Variants in SUPT20HL2 observed in about 807,000 individuals in gnomAD.
The protein encoded by SUPT20HL2 is SUPT20H like 2.
For missense variants in SUPT20HL2, 288 were observed against 127.4 expected (o/e 2.26, Z -6.07); for synonymous variants, 125 against 51.6 (o/e 2.42, Z -6.10).
Position 24,308,355 on chromosome X carries a change from C to T in SUPT20HL2, c.*2507G>A. ...AAAGCACACCAAATTTGGTGACATA[C>T]TGAATTCAGGTCACTGCTTAGCTCC... On this transcript the variant is annotated 3_prime_UTR_variant, in exon 1 of 1. Coordinates refer to ENST00000486479, the MANE Select transcript of SUPT20HL2 (RefSeq NM_001136233.3). The T allele has an allele frequency of 2.7e-6, 1 of 372,677 alleles. No homozygotes were observed. The highest frequency in any genetic ancestry group is 5.2e-6 in the Non-Finnish European group (1 of 191,292). 30.7% of individuals were successfully genotyped at this position (372,677 alleles called of 1,213,427 possible). A position where few individuals can be genotyped will look rare whatever the true frequency, so the allele number is the denominator to read the frequency against.
rs1727961 is a variant in SUPT20HL2, at chrX:24,313,416, C to T, written c.-101G>A. The stretch of plus-strand genomic sequence containing the variant: ...CATATTAATCTACAGGCCCGCAAGA[C>T]GCCGCAAGTCCACACTGAGTTCAAC... On this transcript the variant is annotated 5_prime_UTR_variant, in exon 1 of 1. Transcript: ENST00000486479. 2.9e-4 allele frequency: 97 copies of T among 334,842 alleles called. No homozygotes were observed. The highest frequency in any genetic ancestry group is 6.2e-4 in the East Asian group (8 of 12,884). The allele number at this position is 334,842 out of a possible 1,213,427, so 27.6% of individuals were successfully genotyped here.
Position 24,309,679 on chromosome X carries a change from AAAAAAAAAAAATT to A in SUPT20HL2, c.*1170_*1182del, listed in dbSNP as rs1276792417. Reference sequence around the variant, plus strand: ...GTACCCTAAAACTTAGAGTATAATAAAAAAAAAAAAATTAAAAAAAAAAATTAAAAAAAAAAAG... The same window carrying A: ...GTACCCTAAAACTTAGAGTATAATAAAAAAAAAAAAATTAAAAAAAAAAAG... On this transcript the variant is annotated 3_prime_UTR_variant, in exon 1 of 1. Transcript: ENST00000486479. 1.6e-4 allele frequency among the ~76,000 whole-genome samples: 14 copies of A among 84,939 alleles called. No homozygotes were observed. The highest frequency in any genetic ancestry group is 1.1e-3 in the South Asian group (2 of 1,847). The allele number at this position is 84,939 out of a possible 115,157, so 73.8% of individuals were successfully genotyped here.
Position 24,309,050 on chromosome X carries a change from A to C in SUPT20HL2, c.*1812T>G, listed in dbSNP as rs1347477333. 3.6e-5 allele frequency among the ~76,000 whole-genome samples: 4 copies of C among 111,655 alleles called. No homozygotes were observed. The highest frequency in any genetic ancestry group is 1.3e-4 in the African/African-American group (4 of 31,053). ...AAATTGGTGGTTGCCAGAGGCTGGGAGTGTGAAGATGTCACGCTAGTGCTT... is the reference window on the plus strand; with the variant it reads ...AAATTGGTGGTTGCCAGAGGCTGGGCGTGTGAAGATGTCACGCTAGTGCTT... On this transcript the variant is annotated 3_prime_UTR_variant, in exon 1 of 1. Coordinates refer to ENST00000486479, the MANE Select transcript of SUPT20HL2 (RefSeq NM_001136233.3).
rs376947378 is a variant in SUPT20HL2, at chrX:24,313,974, G to A, written c.-659C>T. 8 of 361,565 alleles carry A rather than the reference G, an allele frequency of 2.2e-5. No individual in the cohort carries two copies. Among genetic ancestry groups the A allele is most frequent in the Middle Eastern group, 4.4e-4 (1 of 2,262 alleles). The allele number at this position is 361,565 out of a possible 1,213,427, so 29.8% of individuals were successfully genotyped here. A position where few individuals can be genotyped will look rare whatever the true frequency, so the allele number is the denominator to read the frequency against. ...CCCAGAAACCTGCCCCCAGGGAAGCGCTACCCAATCTGTTTGAGGGTTTCT... is the reference window on the plus strand; with the variant it reads ...CCCAGAAACCTGCCCCCAGGGAAGCACTACCCAATCTGTTTGAGGGTTTCT... On this transcript the variant is annotated 5_prime_UTR_variant, in exon 1 of 1. Transcript: ENST00000486479.
rs1302143584 is a variant in SUPT20HL2 at position 24,311,060 on chromosome X, T to C, written c.2256A>G (p.Pro752=). The C allele has an allele frequency of 8.0e-6, 3 of 373,127 alleles. No individual in the cohort carries two copies. Among genetic ancestry groups the C allele is most frequent in the Non-Finnish European group, 1.6e-5 (3 of 185,917 alleles). The allele number at this position is 373,127 out of a possible 1,213,427, so 30.7% of individuals were successfully genotyped here. A position where few individuals can be genotyped will look rare whatever the true frequency, so the allele number is the denominator to read the frequency against. ...GTGGCTGCAGCAGCAGCAGCGGCTG[T>C]GGCTGCTGCCCCAAGACAAAGGGGA... ...VQLPFVLGQQ[P]QPLLLLQPQP... Residue 752 remains proline (P), a synonymous_variant, in exon 1 of 1, where the codon CCA becomes CCG. Coordinates refer to ENST00000486479, the MANE Select transcript of SUPT20HL2 (RefSeq NM_001136233.3).
rs1456986682 is a variant in SUPT20HL2 at position 24,313,719 on chromosome X, C to T, written c.-404G>A. 19 of 359,918 alleles carry T rather than the reference C, an allele frequency of 5.3e-5. No homozygotes were observed. Among genetic ancestry groups the T allele is most frequent in the Non-Finnish European group, 1.0e-4 (19 of 187,616 alleles). 29.7% of individuals were successfully genotyped at this position (359,918 alleles called of 1,213,427 possible). On this transcript the variant is annotated 5_prime_UTR_variant, in exon 1 of 1. Coordinates refer to ENST00000486479, the MANE Select transcript of SUPT20HL2 (RefSeq NM_001136233.3). ...TCGTCGTGGCCCGGGCTTCACGTCTCTGCGGCCTGGAACAGAAGTGAGCGG... is the reference window on the plus strand; with the variant it reads ...TCGTCGTGGCCCGGGCTTCACGTCTTTGCGGCCTGGAACAGAAGTGAGCGG...
chrX:24,309,676 A>AT lies in SUPT20HL2; in HGVS notation c.*1185dup, dbSNP rs1434436098. 5.7e-4 allele frequency among the ~76,000 whole-genome samples: 51 copies of AT among 89,203 alleles called. No homozygotes were observed. Among genetic ancestry groups the AT allele is most frequent in the Non-Finnish European group, 9.6e-4 (45 of 46,961 alleles). The allele number at this position is 89,203 out of a possible 115,157, so 77.5% of individuals were successfully genotyped here. A position where few individuals can be genotyped will look rare whatever the true frequency, so the allele number is the denominator to read the frequency against. Reference sequence around the variant, plus strand: ...CATGTACCCTAAAACTTAGAGTATAATAAAAAAAAAAAAATTAAAAAAAAA... The same window carrying AT: ...CATGTACCCTAAAACTTAGAGTATAATTAAAAAAAAAAAAATTAAAAAAAAA... On this transcript the variant is annotated 3_prime_UTR_variant, in exon 1 of 1. Transcript: ENST00000486479.
In SUPT20HL2 at chrX:24,310,467, C is replaced by T. The variant is rs1395640319; in HGVS notation, c.*395G>A. Among the ~76,000 whole-genome samples, 3 of 112,055 alleles carry T rather than the reference C, an allele frequency of 2.7e-5. No homozygotes were observed. Among genetic ancestry groups the T allele is most frequent in the Admixed American group, 9.4e-5 (1 of 10,595 alleles). Reference sequence around the variant, plus strand: ...TATCACCATTAAAAATTTTAAATTGCGCTCTTCTTGTTAAAATATTAACTT... The same window carrying T: ...TATCACCATTAAAAATTTTAAATTGTGCTCTTCTTGTTAAAATATTAACTT... On this transcript the variant is annotated 3_prime_UTR_variant, in exon 1 of 1. Transcript: ENST00000486479.
chrX:24,313,753 T>G lies in SUPT20HL2; in HGVS notation c.-438A>C, dbSNP rs374125552. 2,143 of 298,501 alleles carry G rather than the reference T, an allele frequency of 7.2e-3. 14 individuals are homozygous for G. The highest frequency in any genetic ancestry group is 0.014 in the South Asian group (490 of 35,786). The allele number at this position is 298,501 out of a possible 1,213,427, so 24.6% of individuals were successfully genotyped here. On this transcript the variant is annotated 5_prime_UTR_variant, in exon 1 of 1. Transcript: ENST00000486479. ...GGAACAGAAGTGAGCGGGAGGGCCG[T>G]GGTCAGCTTCTAGGCGCGTCTGGGC...
Position 24,309,747 on chromosome X carries a change from A to AAAAAAAAAAAAAAAAAAAAAAAAAAAAAC in SUPT20HL2, c.*1114_*1115insGTTTTTTTTTTTTTTTTTTTTTTTTTTTT, listed in dbSNP as rs1939103179. Among the ~76,000 whole-genome samples the AAAAAAAAAAAAAAAAAAAAAAAAAAAAAC allele has an allele frequency of 3.7e-4, 1 of 2,704 alleles. No individual in the cohort carries two copies. Among genetic ancestry groups the AAAAAAAAAAAAAAAAAAAAAAAAAAAAAC allele is most frequent in the Admixed American group, 6.1e-3 (1 of 164 alleles). 2.3% of individuals were successfully genotyped at this position (2,704 alleles called of 115,157 possible). On this transcript the variant is annotated 3_prime_UTR_variant, in exon 1 of 1. Transcript: ENST00000486479. ...AAATAATAAAAATAAAAAAAAAAAG[A>AAAAAAAAAAAAAAAAAAAAAAAAAAAAAC]AAAAAAAAAAAAAAAAAAAAAACAT...
rs777706521 is a variant in SUPT20HL2, at chrX:24,309,044, G to A, written c.*1818C>T. Among the ~76,000 whole-genome samples the A allele has an allele frequency of 8.9e-6, 1 of 111,869 alleles. No individual in the cohort carries two copies. Among genetic ancestry groups the A allele is most frequent in the Admixed American group, 9.6e-5 (1 of 10,456 alleles). Reference sequence around the variant, plus strand: ...GAAAGCAAATTGGTGGTTGCCAGAGGCTGGGAGTGTGAAGATGTCACGCTA... The same window carrying A: ...GAAAGCAAATTGGTGGTTGCCAGAGACTGGGAGTGTGAAGATGTCACGCTA... On this transcript the variant is annotated 3_prime_UTR_variant, in exon 1 of 1. Coordinates refer to ENST00000486479, the MANE Select transcript of SUPT20HL2 (RefSeq NM_001136233.3).
chrX:24,312,648 A>C lies in SUPT20HL2; in HGVS notation c.668T>G (p.Leu223Arg), dbSNP rs1216530557. 5 of 385,039 alleles carry C rather than the reference A, an allele frequency of 1.3e-5. No individual in the cohort carries two copies. Among genetic ancestry groups the C allele is most frequent in the Admixed American group, 1.0e-4 (4 of 39,187 alleles). The allele number at this position is 385,039 out of a possible 1,213,427, so 31.7% of individuals were successfully genotyped here. The change falls in exon 1 of 1, where the codon CTG becomes CGG. Residue 223 changes from leucine to arginine, a missense_variant. Physicochemically the swap from Leu to Arg is moderately radical, Grantham distance 102. Transcript: ENST00000486479. Reference sequence around the variant, plus strand: ...ATTCATCTTTTGCTTGTTGTACAGCAGCCTGTTTGCAGTGCAGGCAACTGC... The same window carrying C: ...ATTCATCTTTTGCTTGTTGTACAGCCGCCTGTTTGCAGTGCAGGCAACTGC... ...SVAVACTANRLLYNKQKMNTD... is the reference protein window; with the variant it reads ...SVAVACTANRRLYNKQKMNTD...
rs1046701757 is a variant in SUPT20HL2, at chrX:24,308,937, C to T, written c.*1925G>A. Among the ~76,000 whole-genome samples, 6 of 112,275 alleles carry T rather than the reference C, an allele frequency of 5.3e-5. No homozygotes were observed. Among genetic ancestry groups the T allele is most frequent in the African/African-American group, 9.7e-5 (3 of 30,980 alleles). On this transcript the variant is annotated 3_prime_UTR_variant, in exon 1 of 1. Coordinates refer to ENST00000486479, the MANE Select transcript of SUPT20HL2 (RefSeq NM_001136233.3). ...TGGAAGAACTTCAAAAACATTATGCCGAGTGAAAGAGGCCAGACACAAAAG... is the reference window on the plus strand; with the variant it reads ...TGGAAGAACTTCAAAAACATTATGCTGAGTGAAAGAGGCCAGACACAAAAG...
rs1481213523 is a variant in SUPT20HL2 at position 24,310,408 on chromosome X, T to G, written c.*454A>C. 8.9e-6 allele frequency among the ~76,000 whole-genome samples: 1 copy of G among 112,129 alleles called. No homozygotes were observed. The highest frequency in any genetic ancestry group is 9.4e-5 in the Admixed American group (1 of 10,606). ...ATACTATTGCACTGGGCACTTAAAA[T>G]AGTGAAGGTGGTCCATTTTAGATTA... On this transcript the variant is annotated 3_prime_UTR_variant, in exon 1 of 1. Coordinates refer to ENST00000486479, the MANE Select transcript of SUPT20HL2 (RefSeq NM_001136233.3).
Position 24,309,368 on chromosome X carries a change from C to T in SUPT20HL2, c.*1494G>A, listed in dbSNP as rs759916028. On this transcript the variant is annotated 3_prime_UTR_variant, in exon 1 of 1. Transcript: ENST00000486479. ...AAAGAGAAAAAGACAAAGAAAAAGACGGGGGTTCTACTTAAGAAACAAGGC... is the reference window on the plus strand; with the variant it reads ...AAAGAGAAAAAGACAAAGAAAAAGATGGGGGTTCTACTTAAGAAACAAGGC... 9.1e-5 allele frequency among the ~76,000 whole-genome samples: 10 copies of T among 109,732 alleles called. No homozygotes were observed. The East Asian group carries it at 2.9e-3, about 32-fold the overall frequency.
chrX:24,310,490 CTTAAAA>C lies in SUPT20HL2; in HGVS notation c.*366_*371del, dbSNP rs746865737. On this transcript the variant is annotated 3_prime_UTR_variant, in exon 1 of 1. Coordinates refer to ENST00000486479, the MANE Select transcript of SUPT20HL2 (RefSeq NM_001136233.3). ...TGCGCTCTTCTTGTTAAAATATTAA[CTTAAAA>C]TTAAAATCTTGTTAAAATATTAACT... 4.0e-4 allele frequency among the ~76,000 whole-genome samples: 45 copies of C among 112,517 alleles called. 1 individual carries two copies. The highest frequency in any genetic ancestry group is 2.9e-3 in the Admixed American group (31 of 10,670).
rs1939087814 is a variant in SUPT20HL2, at chrX:24,308,938, G to A, written c.*1924C>T. ...GGAAGAACTTCAAAAACATTATGCC[G>A]AGTGAAAGAGGCCAGACACAAAAGA... On this transcript the variant is annotated 3_prime_UTR_variant, in exon 1 of 1. Coordinates refer to ENST00000486479, the MANE Select transcript of SUPT20HL2 (RefSeq NM_001136233.3). 8.9e-6 allele frequency among the ~76,000 whole-genome samples: 1 copy of A among 112,487 alleles called. No homozygotes were observed. The highest frequency in any genetic ancestry group is 1.9e-5 in the Non-Finnish European group (1 of 53,323).
rs1341860286 is a variant in SUPT20HL2, at chrX:24,308,549, G to C, written c.*2313C>G. Among the ~76,000 whole-genome samples, 2 of 112,379 alleles carry C rather than the reference G, an allele frequency of 1.8e-5. No individual in the cohort carries two copies. Among genetic ancestry groups the C allele is most frequent in the African/African-American group, 6.5e-5 (2 of 30,957 alleles). The stretch of plus-strand genomic sequence containing the variant: ...GGTCAAATCTTTAACAGCATCGGTA[G>C]CACATTAGTAAAAGGGTTCATCAAG... On this transcript the variant is annotated 3_prime_UTR_variant, in exon 1 of 1. Coordinates refer to ENST00000486479, the MANE Select transcript of SUPT20HL2 (RefSeq NM_001136233.3).
Position 24,310,997 on chromosome X carries a change from A to G in SUPT20HL2, c.2319T>C (p.Pro773=), listed in dbSNP as rs201018804. Residue 773 remains proline, a synonymous_variant, in exon 1 of 1, where the codon CCT becomes CCC. Transcript: ENST00000486479. The part of the protein sequence containing the change: ...QPQQIQLQTQ[P]LRVLQQPVFL... ...ACACTGGCTGCTGCAGGACTCTCAA[A>G]GGCTGTGTCTGGAGCTGGATCTGCT... 3.1e-5 allele frequency: 12 copies of G among 383,696 alleles called. No homozygotes were observed. Among genetic ancestry groups the G allele is most frequent in the Admixed American group, 5.1e-5 (2 of 39,187 alleles). 31.6% of individuals were successfully genotyped at this position (383,696 alleles called of 1,213,427 possible).
Sources: allele counts gnomAD v4.1 joint callset (sites outside exome capture counted in the v4.1 genomes callset), GRCh38; gene constraint gnomAD v4.1.1; transcripts MANE v1.5; gene names NCBI Gene and HGNC (gene_info 2026-07-23, HGNC 2026-07-21).